DRAM2: variants seen among roughly 807,000 people sequenced by gnomAD.
DRAM2 encodes DNA damage-regulated autophagy modulator protein 2.
In DRAM2, 26 loss-of-function variants were observed where a neutral mutation model predicts 33.5. That is an observed-to-expected ratio of 0.78 (90% confidence interval 0.57 to 1.08). The LOEUF is 1.08. DRAM2 is among the 50% of genes least tolerant of loss of function. The probability of loss-of-function intolerance (pLI) is 0.00; values close to 1 mark genes in which losing one functional copy is unlikely to be tolerated. For synonymous variants in DRAM2, 98 were observed against 109.5 expected (o/e 0.89, Z 0.66); for missense variants, 311 against 318.1 (o/e 0.98, Z 0.17).
intron 4 of DRAM2, chr1:111,128,047 C>T (rs963825837): frequency 4.0e-5 from 6 of 151,840 alleles, no homozygotes; most frequent in African/African-American, 1.5e-4. Flanking sequence ...ACCTGAAGCA[C>T]ACTTATAGCA....
At chr1:111,123,139 G>A (rs758285603) in intron 6 of DRAM2, among the ~76,000 whole-genome samples, 11 of 152,156 alleles carry the variant, frequency 7.2e-5, no homozygotes, top group Non-Finnish European at 1.5e-4. Context: ...ATGAGCTACA[G>A]AAACTGATTA....
At chr1:111,127,964 G>A (rs1245099145) in intron 4 of DRAM2, 1 of 152,082 alleles carries the variant, frequency 6.6e-6, no homozygotes, top group African/African-American at 2.4e-5. Flanking sequence ...CATAGATGTT[G>A]TAATATTTCT....
chr1:111,130,724 A>G (rs1381531023), intron 4 of DRAM2, among the ~76,000 whole-genome samples: 2 of 149,330 alleles, frequency 1.3e-5, no homozygotes, highest in Non-Finnish European at 3.0e-5. Flanking sequence ...GTTTGGGTGC[A>G]GTGGCTCACA....
At chr1:111,125,524 T>C (rs1012957413) in intron 5 of DRAM2, 4 of 152,300 alleles carry the variant, frequency 2.6e-5, no homozygotes, top group African/African-American at 7.2e-5. Context: ...TGCAGAAATA[T>C]TGCCAGACAA....
At chr1:111,131,772 CT>C (rs2101088505) in intron 3 of DRAM2, among the ~76,000 whole-genome samples, 1 of 152,322 alleles carries the variant, frequency 6.6e-6, no homozygotes, top group Non-Finnish European at 1.5e-5. Flanking sequence ...GAGCTAGAAA[CT>C]TGCTTTCTTG....
In DRAM2 at chr1:111,120,016, A is replaced by G; in HGVS notation, c.518-57T>C. 5 of 1,439,606 alleles carry G rather than the reference A, an allele frequency of 3.5e-6. No individual in the cohort carries two copies. The Admixed American group carries it at 5.2e-5, about 15-fold the overall frequency. The allele number at this position is 1,439,606 out of a possible 1,614,324, so 89.2% of individuals were successfully genotyped here. A position where few individuals can be genotyped will look rare whatever the true frequency, so the allele number is the denominator to read the frequency against. On this transcript the variant is annotated intron_variant, in intron 7 of 9. Transcript: ENST00000484310. ...GAGACGATCTCAGAGAACAAAAATCACTTTACAGTCTAAAAGGATTACTCA... is the reference window on the plus strand; with the variant it reads ...GAGACGATCTCAGAGAACAAAAATCGCTTTACAGTCTAAAAGGATTACTCA...
intron 4 of DRAM2, among the ~76,000 whole-genome samples, chr1:111,130,564 G>A (rs753171413): frequency 6.0e-5 from 9 of 150,672 alleles, no homozygotes; most frequent in African/African-American, 1.2e-4. Flanking sequence ...ATTAGGCGTG[G>A]TGGTGTGCGC....
intron 2 of DRAM2, among the ~76,000 whole-genome samples, chr1:111,138,467 A>G (rs930700308): frequency 5.3e-5 from 8 of 152,244 alleles, no homozygotes; most frequent in African/African-American, 1.9e-4. Context: ...AATAAATTTC[A>G]CAGGGCAGTA....
At chr1:111,120,381 CAAAAAAAAAAAAAAAAAAAA>C (rs200318036) in intron 7 of DRAM2, 115 bp downstream of exon 7, 2,493 of 173,068 alleles carry the variant, frequency 0.014, 68 homozygotes, top group South Asian at 0.031. Context: ...ATCTCTCCTA[CAAAAAAAAAAAAAAAAAAAA>C]AAAAAAAAAA....
chr1:111,131,661 C>A, intron 3 of DRAM2, 93 bp from the exon 4 acceptor site: 1 of 1,237,908 alleles, frequency 8.1e-7, no homozygotes, highest in Non-Finnish European at 1.1e-6. Context: ...TACTTACCAC[C>A]CCAAGCTGTT....
At chr1:111,128,639 C>G (rs969488057) in intron 4 of DRAM2, among the ~76,000 whole-genome samples, 2 of 152,140 alleles carry the variant, frequency 1.3e-5, no homozygotes, top group African/African-American at 4.8e-5. Context: ...TTTAAATCAT[C>G]TCTAGATTAC....
At position 111,120,533 on chromosome 1, in the gene DRAM2, CCA is replaced by C; in HGVS notation, c.498_499del (p.Cys166TrpfsTer6). ...AAGGATACTGCTAAGTGCACTTACT[CCA>C]CACCAGATAACCAACAACAGTCTGA... On this transcript the variant is annotated frameshift_variant, in exon 7 of 10. Transcript: ENST00000484310. LOFTEE classifies it high-confidence loss of function. 6.2e-7 allele frequency: 1 copy of C among 1,607,604 alleles called. No homozygotes were observed. Among genetic ancestry groups the C allele is most frequent in the Non-Finnish European group, 8.5e-7 (1 of 1,176,886 alleles).
At chr1:111,135,994 T>C (rs1653065856) in intron 3 of DRAM2, among the ~76,000 whole-genome samples, 1 of 152,238 alleles carries the variant, frequency 6.6e-6, no homozygotes, top group African/African-American at 2.4e-5. Flanking sequence ...TCTTAGGTTC[T>C]CTCTTATAAA....
chr1:111,138,777 C>T (rs768802956), intron 2 of DRAM2, among the ~76,000 whole-genome samples: 8 of 152,002 alleles, frequency 5.3e-5, no homozygotes, highest in Non-Finnish European at 1.0e-4. Flanking sequence ...AGCGATACTC[C>T]ATTAAAAAAA....
intron 2 of DRAM2, among the ~76,000 whole-genome samples, chr1:111,139,277 C>T (rs1653969464): frequency 6.6e-6 from 1 of 152,156 alleles, no homozygotes; most frequent in South Asian, 2.1e-4. Flanking sequence ...AAGATTATTT[C>T]TACAGTGTTT....
chr1:111,125,260 A>T (rs538359217), intron 5 of DRAM2: 1 of 160,570 alleles, frequency 6.2e-6, no homozygotes, highest in East Asian at 1.8e-4. Context: ...TTTGCCTTCC[A>T]TGGGTCTCAT....
chr1:111,136,167 T>G (rs1391958700), intron 3 of DRAM2, among the ~76,000 whole-genome samples: 1 of 152,224 alleles, frequency 6.6e-6, no homozygotes, highest in Non-Finnish European at 1.5e-5. Flanking sequence ...ATTACCTAAT[T>G]AACATTCCTA....
intron 8 of DRAM2, 23 bp from the exon 9 acceptor site, chr1:111,118,920 T>C (rs768965192): frequency 4.5e-5 from 69 of 1,536,192 alleles, no homozygotes; most frequent in Non-Finnish European, 5.2e-5. Context: ...AAAAAAAGAA[T>C]AGTTTTGTGA....
chr1:111,135,637 T>C (rs1653005513), intron 3 of DRAM2, among the ~76,000 whole-genome samples: 1 of 152,244 alleles, frequency 6.6e-6, no homozygotes, highest in South Asian at 2.1e-4. Context: ...AATCCTTCTT[T>C]TTCTTCAAAA....
Sources: allele counts gnomAD v4.1 joint callset (sites outside exome capture counted in the v4.1 genomes callset), GRCh38; gene constraint gnomAD v4.1.1; transcripts MANE v1.5; gene names NCBI Gene and HGNC (gene_info 2026-07-23, HGNC 2026-07-21).